Variants in FBN1 observed in about 807,000 individuals in gnomAD.
The protein encoded by FBN1 is fibrillin 1.
In FBN1, 29 loss-of-function variants were observed where a neutral mutation model predicts 365.1. The ratio of observed to expected loss-of-function variants is 0.08; its 90% CI spans 0.06 to 0.11. The LOEUF is 0.11. Ranked by LOEUF, FBN1 falls within the 10% of genes least tolerant of loss-of-function variation. The pLI, the probability that FBN1 is intolerant of heterozygous loss-of-function variation, is 1.00. For synonymous variants in FBN1, 1,210 were observed against 1,270.5 expected (o/e 0.95, Z 1.01); for missense variants, 2,476 against 3,703.2 (o/e 0.67, Z 8.60).
chr15:48,452,972 T>C (rs1375225480), intron 44 of FBN1, among the ~76,000 whole-genome samples: 1 of 152,078 alleles, frequency 6.6e-6, no homozygotes, highest in Non-Finnish European at 1.5e-5. Flanking sequence ...GAAAATTAAA[T>C]ATGGCCAGGT....
chr15:48,626,256 C>CAA (rs35055998), intron 2 of FBN1, among the ~76,000 whole-genome samples: 11 of 88,946 alleles, frequency 1.2e-4, no homozygotes, highest in African/African-American at 3.9e-4. Context: ...GACCCTGTCT[C>CAA]AAAAAAAAAA....
chr15:48,476,514 C>T (rs1382471658), intron 32 of FBN1, among the ~76,000 whole-genome samples: 3 of 152,052 alleles, frequency 2.0e-5, no homozygotes, highest in Non-Finnish European at 4.4e-5. Context: ...GGGGCAGAGC[C>T]AGGACCTCCT....
intron 53 of FBN1, 67 bp from the exon 54 acceptor site, chr15:48,434,780 G>A: frequency 6.3e-7 from 1 of 1,575,794 alleles, no homozygotes; most frequent in South Asian, 1.1e-5. Flanking sequence ...TCTATCAGAG[G>A]ATTTTAAACT....
At chr15:48,473,566 A>G (rs1190348163) in intron 34 of FBN1, among the ~76,000 whole-genome samples, 1 of 152,218 alleles carries the variant, frequency 6.6e-6, no homozygotes, top group African/African-American at 2.4e-5. Flanking sequence ...CAAAAAGAAA[A>G]TTTCATTAAT....
At chr15:48,420,192 AAAAACAAAAC>A (rs797000912) in intron 63 of FBN1, among the ~76,000 whole-genome samples, 10 of 77,744 alleles carry the variant, frequency 1.3e-4, no homozygotes, top group African/African-American at 4.1e-4. Context: ...AGCAATCTTG[AAAAACAAAAC>A]AAAACAAAAC....
rs756455129 is a variant in FBN1, at chr15:48,510,145, C to T, written c.1613G>A (p.Gly538Asp). Reference protein sequence around the residue: ...CRDIDECLQNGRICNNGRCIN... With the variant: ...CRDIDECLQNDRICNNGRCIN... ...GCAGCGTCCATTATTGCAGATCCGG[C>T]CATTCTGTAAACACTCATCAATGTC... The change falls in exon 14 of 66, where the codon GGC becomes GAC. Residue 538 changes from glycine (G) to aspartate (D), a missense_variant. This residue lies in a region of FBN1 where 1,780 missense variants were observed against 2,840.8 expected (regional missense o/e 0.63). Transcript: ENST00000316623. 1.8e-5 allele frequency: 29 copies of T among 1,613,106 alleles called. No homozygotes were observed. The South Asian group carries it at 2.9e-4, about 16-fold the overall frequency.
At chr15:48,622,578 T>C (rs1036476) in intron 2 of FBN1, among the ~76,000 whole-genome samples, 11,468 of 152,178 alleles carry the variant, frequency 0.075, 488 homozygotes, top group Middle Eastern at 0.16. Flanking sequence ...TTCTCTCTAC[T>C]CCATTAGGAC....
Position 48,468,092 on chromosome 15 carries a change from A to G in FBN1, c.4593T>C (p.Ser1531=), listed in dbSNP as rs985992262. ...PTRVGCVDTR[S]GNCYLDIRPR... is the part of the protein sequence containing the mutation. ...GTCGAATATCCAAATAGCAATTTCC[A>G]GAGCGGGTATCTATTTACCATATAC... Residue 1531 remains serine (S), a synonymous_variant, in exon 38 of 66, where the codon TCT becomes TCC. Coordinates refer to ENST00000316623, the MANE Select transcript of FBN1 (RefSeq NM_000138.5). The G allele has an allele frequency of 2.5e-6, 4 of 1,614,182 alleles. No individual in the cohort carries two copies. Among genetic ancestry groups the G allele is most frequent in the Non-Finnish European group, 3.4e-6 (4 of 1,180,028 alleles).
intron 27 of FBN1, 152 bp downstream of exon 27, chr15:48,487,961 C>A: frequency 9.6e-7 from 1 of 1,044,942 alleles, no homozygotes. Context: ...TTCCCTCATT[C>A]TTTCTACCTC....
At chr15:48,619,046 T>C (rs1419636098) in intron 2 of FBN1, among the ~76,000 whole-genome samples, 1 of 152,176 alleles carries the variant, frequency 6.6e-6, no homozygotes, top group African/African-American at 2.4e-5. Context: ...ACAATAAATG[T>C]AATGAGCTTG....
intron 11 of FBN1, 27 bp from the exon 12 acceptor site, chr15:48,515,554 A>T (rs1241455949): frequency 1.2e-6 from 2 of 1,613,500 alleles, no homozygotes; most frequent in Non-Finnish European, 1.7e-6. Context: ...CCCCATTAAA[A>T]TTATTTTAAC....
chr15:48,499,782 G>A (rs977964437), intron 17 of FBN1, among the ~76,000 whole-genome samples: 3 of 152,136 alleles, frequency 2.0e-5, no homozygotes, highest in Admixed American at 6.5e-5. Context: ...AGAACTAACT[G>A]GAATCACACT....
At chr15:48,500,282 C>T (rs543873355) in intron 17 of FBN1, among the ~76,000 whole-genome samples, 187 of 152,192 alleles carry the variant, frequency 1.2e-3, no homozygotes, top group Admixed American at 2.6e-3. Context: ...GAGATAATGA[C>T]AATTTTGCTG....
At chr15:48,504,760 G>T (rs2043694205) in intron 16 of FBN1, among the ~76,000 whole-genome samples, 1 of 152,158 alleles carries the variant, frequency 6.6e-6, no homozygotes, top group Admixed American at 6.5e-5. Flanking sequence ...AGGAGGCCTG[G>T]AGAAAACTGA....
intron 29 of FBN1, among the ~76,000 whole-genome samples, chr15:48,486,873 G>A (rs2043511412): frequency 6.6e-6 from 1 of 152,056 alleles, no homozygotes; most frequent in African/African-American, 2.4e-5. Context: ...ATGGAGATGA[G>A]ATCCAAAGAT....
At chr15:48,578,664 T>C (rs1566931072) in intron 6 of FBN1, among the ~76,000 whole-genome samples, 1 of 151,732 alleles carries the variant, frequency 6.6e-6, no homozygotes, top group Non-Finnish European at 1.5e-5. Context: ...CACCATGGAA[T>C]ACTATGCAGC....
intron 8 of FBN1, 131 bp from the exon 9 acceptor site, chr15:48,526,386 C>A (rs1012652166): frequency 2.7e-5 from 25 of 912,974 alleles, no homozygotes; most frequent in East Asian, 2.6e-5. Flanking sequence ...AAGTAAAAAC[C>A]GCATGGAGAA....
At chr15:48,431,907 G>A (rs1053125409) in intron 55 of FBN1, among the ~76,000 whole-genome samples, 45 of 151,258 alleles carry the variant, frequency 3.0e-4, no homozygotes, top group African/African-American at 9.7e-4. Flanking sequence ...CACCCACCTC[G>A]GCCTCCCAAA....
At chr15:48,441,900 G>A (rs1281110299) in intron 49 of FBN1, 54 bp from the exon 50 acceptor site, 1 of 1,597,278 alleles carries the variant, frequency 6.3e-7, no homozygotes, top group Non-Finnish European at 8.6e-7. Context: ...GACATCATCA[G>A]GTACCAAACA....
Sources: gnomAD v4.1 joint callset for allele counts (sites outside exome capture counted in the v4.1 genomes callset) on GRCh38, gnomAD v4.1.1 for gene constraint, gnomAD v4.1.1 regional missense constraint, MANE v1.5 for transcripts, NCBI Gene and HGNC (gene_info 2026-07-23, HGNC 2026-07-21) for gene names.